Variants in GLMN observed in about 807,000 individuals in gnomAD.
GLMN encodes the protein glomulin.
In GLMN, 75 loss-of-function variants were observed where a neutral mutation model predicts 87.8. The observed-to-expected ratio is 0.85, with a 90% CI of 0.71 to 1.04. The LOEUF (loss-of-function observed/expected upper bound fraction) is 1.04, where lower values mean the gene tolerates loss of function less well. Among genes scored for constraint, GLMN ranks in the 50% least tolerant of loss-of-function variants. The probability of loss-of-function intolerance (pLI) is 0.00; values close to 1 mark genes in which losing one functional copy is unlikely to be tolerated. For missense variants in GLMN, 588 were observed against 658.8 expected, an observed-to-expected ratio of 0.89 and a Z score of 1.18; for synonymous variants, 206 against 221.6, an observed-to-expected ratio of 0.93 and a Z score of 0.63.
chr1:92,274,862 A>T (rs1482252925), intron 7 of GLMN, among the ~76,000 whole-genome samples: 1 of 152,104 alleles, frequency 6.6e-6, no homozygotes, highest in Non-Finnish European at 1.5e-5. Context: ...TGATTCCTAC[A>T]TTTTGACCTA....
In GLMN at chr1:92,248,007, A is replaced by G. The variant is rs780234890; in HGVS notation, c.1474-18T>C. The G allele has an allele frequency of 2.0e-6, 2 of 977,730 alleles. No individual in the cohort carries two copies. Among genetic ancestry groups the G allele is most frequent in the Non-Finnish European group, 1.7e-6 (1 of 602,498 alleles). 60.6% of individuals were successfully genotyped at this position (977,730 alleles called of 1,614,324 possible). ...AATCCAGTCTGTTAAGAATGAAAGA[A>G]TGAGTTATTTAGTTCAACAATGATT... On this transcript the variant is annotated intron_variant, in intron 16 of 18. Coordinates refer to ENST00000370360, the MANE Select transcript of GLMN (RefSeq NM_053274.3).
At chr1:92,246,974 A>G in intron 18 of GLMN, 88 bp downstream of exon 18, 1 of 790,404 alleles carries the variant, frequency 1.3e-6, no homozygotes, top group Non-Finnish European at 2.3e-6. Context: ...AGTGAGCCAC[A>G]ATCATGCCAC....
At chr1:92,287,112 A>G (rs538764777) in intron 6 of GLMN, among the ~76,000 whole-genome samples, 4 of 152,208 alleles carry the variant, frequency 2.6e-5, no homozygotes, top group Non-Finnish European at 5.9e-5. Context: ...TCAACATGCT[A>G]AGACTGACTT....
chr1:92,277,964 T>C (rs190154948), intron 7 of GLMN, among the ~76,000 whole-genome samples: 42 of 152,052 alleles, frequency 2.8e-4, no homozygotes, highest in African/African-American at 9.4e-4. Flanking sequence ...GAGACTGGCA[T>C]TGGAAGGGGG....
the GLMN span, among the ~76,000 whole-genome samples, chr1:92,316,620 T>G: frequency 6.6e-6 from 1 of 152,206 alleles, no homozygotes; most frequent in African/African-American, 2.4e-5. Flanking sequence ...ATTCTTTAAC[T>G]AGGATGGTTA....
At chr1:92,309,788 G>A in the GLMN span, among the ~76,000 whole-genome samples, 5 of 152,342 alleles carry the variant, frequency 3.3e-5, no homozygotes, top group Non-Finnish European at 5.9e-5. Context: ...AAATAAACTT[G>A]TGGGAATGGG....
At chr1:92,290,397 ATAT>A in intron 4 of GLMN, 91 bp from the exon 5 acceptor site, 2 of 756,554 alleles carry the variant, frequency 2.6e-6, no homozygotes, top group African/African-American at 1.7e-5. Flanking sequence ...TATCGACAAA[ATAT>A]TATACAATTA....
chr1:92,325,818 C>G, the GLMN span, among the ~76,000 whole-genome samples: 1 of 151,674 alleles, frequency 6.6e-6, no homozygotes, highest in South Asian at 2.1e-4. Context: ...TCTTGGTGTC[C>G]AGTTTATTTC....
chr1:92,330,140 T>A, the GLMN span, among the ~76,000 whole-genome samples: 1 of 152,200 alleles, frequency 6.6e-6, no homozygotes, highest in Non-Finnish European at 1.5e-5. Context: ...AAAACTGAGA[T>A]AAAAGCCAGA....
chr1:92,313,940 T>C, the GLMN span, among the ~76,000 whole-genome samples: 1 of 152,242 alleles, frequency 6.6e-6, no homozygotes, highest in South Asian at 2.1e-4. Context: ...CTTCTACCTA[T>C]TCTTCTGCAG....
At chr1:92,321,947 T>TA in the GLMN span, among the ~76,000 whole-genome samples, 1 of 148,020 alleles carries the variant, frequency 6.8e-6, no homozygotes, top group Admixed American at 6.7e-5. Context: ...TTTCTTTCTT[T>TA]TTTTTTTTTT....
chr1:92,362,505 G>A, the GLMN span, among the ~76,000 whole-genome samples: 1 of 152,130 alleles, frequency 6.6e-6, no homozygotes, highest in African/African-American at 2.4e-5. Flanking sequence ...ATGAGTTTGG[G>A]ATTTGGCTGT....
At chr1:92,339,039 C>A in the GLMN span, among the ~76,000 whole-genome samples, 1 of 152,118 alleles carries the variant, frequency 6.6e-6, no homozygotes, top group Non-Finnish European at 1.5e-5. Flanking sequence ...CCTATGGTCT[C>A]CAACTACACA....
At chr1:92,359,397 G>C in the GLMN span, among the ~76,000 whole-genome samples, 3 of 152,170 alleles carry the variant, frequency 2.0e-5, no homozygotes, top group Non-Finnish European at 4.4e-5. Flanking sequence ...TCGGCTCACC[G>C]CAACCCCCGC....
the GLMN span, among the ~76,000 whole-genome samples, chr1:92,325,354 T>C: frequency 7.9e-5 from 12 of 152,042 alleles, no homozygotes; most frequent in African/African-American, 2.7e-4. Context: ...TTCTATAGAG[T>C]GTTGCTTGGC....
intron 2 of GLMN, 129 bp from the exon 3 acceptor site, chr1:92,297,658 TA>T: frequency 1.2e-6 from 1 of 817,710 alleles, no homozygotes; most frequent in Non-Finnish European, 2.0e-6. Flanking sequence ...AAATGTAACG[TA>T]AATAACACAC....
the GLMN span, among the ~76,000 whole-genome samples, chr1:92,310,978 C>T: frequency 6.6e-6 from 1 of 152,188 alleles, no homozygotes; most frequent in African/African-American, 2.4e-5. Flanking sequence ...GTGCATTTTA[C>T]ATTATCTCAT....
the GLMN span, among the ~76,000 whole-genome samples, chr1:92,305,018 C>A: frequency 7.2e-5 from 11 of 151,980 alleles, no homozygotes; most frequent in African/African-American, 2.7e-4. Flanking sequence ...ACCTGTAGTC[C>A]CAGCTACTCA....
chr1:92,327,550 A>G, the GLMN span, among the ~76,000 whole-genome samples: 4 of 152,154 alleles, frequency 2.6e-5, no homozygotes, highest in Admixed American at 2.0e-4. Context: ...GTGAATCCTT[A>G]TGTGTCAGGT....
Sources: gnomAD v4.1 joint callset for allele counts (sites outside exome capture counted in the v4.1 genomes callset) on GRCh38, gnomAD v4.1.1 for gene constraint, MANE v1.5 for transcripts, NCBI Gene and HGNC (gene_info 2026-07-23, HGNC 2026-07-21) for gene names.